Variants in PIKFYVE observed in about 807,000 individuals in gnomAD.
PIKFYVE encodes 1-phosphatidylinositol 3-phosphate 5-kinase.
PIKFYVE carries 122 observed loss-of-function variants against 257.9 expected under a neutral mutation model. The observed-to-expected ratio is 0.47, with a 90% CI of 0.41 to 0.55. PIKFYVE has a LOEUF of 0.55. PIKFYVE is among the 20% of genes least tolerant of loss of function. PIKFYVE has a pLI of 0.00. For synonymous variants in PIKFYVE, 892 were observed against 868.9 expected (o/e 1.03, Z -0.47); for missense variants, 2,160 against 2,536.6 (o/e 0.85, Z 3.19).
intron 40 of PIKFYVE, 65 bp from the exon 41 acceptor site, chr2:208,354,506 T>C: frequency 7.5e-7 from 1 of 1,337,188 alleles, no homozygotes; most frequent in Non-Finnish European, 1.1e-6. Context: ...TAGTCATTGC[T>C]GTTGTCATTT....
chr2:208,340,724 A>G (rs1331450459), intron 31 of PIKFYVE, among the ~76,000 whole-genome samples: 4 of 152,172 alleles, frequency 2.6e-5, no homozygotes, highest in Admixed American at 6.5e-5. Context: ...ACTGACTTAC[A>G]TATTTATTCA....
At chr2:208,334,877 G>C (rs574651815) in intron 24 of PIKFYVE, among the ~76,000 whole-genome samples, 1 of 152,068 alleles carries the variant, frequency 6.6e-6, no homozygotes, top group South Asian at 2.1e-4. Context: ...AGGGCCTTGC[G>C]GGGGAGTTGG....
chr2:208,323,105 T>TTTA (rs923550776), intron 17 of PIKFYVE, among the ~76,000 whole-genome samples: 1 of 150,454 alleles, frequency 6.6e-6, no homozygotes, highest in African/African-American at 2.5e-5. Flanking sequence ...TATTTTTTAT[T>TTTA]TTATTATTAT....
intron 5 of PIKFYVE, among the ~76,000 whole-genome samples, chr2:208,281,458 T>C (rs1264498332): frequency 6.6e-6 from 1 of 152,240 alleles, no homozygotes; most frequent in African/African-American, 2.4e-5. Context: ...CCTTGGTTTT[T>C]ATCTGTATAA....
chr2:208,314,337 G>A lies in PIKFYVE; in HGVS notation c.1740G>A (p.Leu580=). 2 of 1,613,874 alleles carry A rather than the reference G, an allele frequency of 1.2e-6. No homozygotes were observed. The highest frequency in any genetic ancestry group is 1.7e-6 in the Non-Finnish European group (2 of 1,179,824). Residue 580 remains leucine (L), a synonymous_variant, in exon 14 of 42, where the codon CTG becomes CTA. Transcript: ENST00000264380. Reference sequence around the variant, plus strand: ...GAGTAGAGGAAAAATCCAAAGAGCTGCCTTTCACACCTTTGGGCTGGCATC... The same window carrying A: ...GAGTAGAGGAAAAATCCAAAGAGCTACCTTTCACACCTTTGGGCTGGCATC... ...NRRVEEKSKE[L]PFTPLGWHHN... is the part of the protein sequence containing the mutation.
At chr2:208,292,588 T>C (rs1692456520) in intron 7 of PIKFYVE, among the ~76,000 whole-genome samples, 1 of 152,132 alleles carries the variant, frequency 6.6e-6, no homozygotes, top group South Asian at 2.1e-4. Flanking sequence ...CTGTTCTGCC[T>C]GAAAATTAAT....
rs781220528 is a variant in PIKFYVE, at chr2:208,355,231, A to C, written c.6223A>C (p.Arg2075=). ...GGTGTCTCCGGAGTTGTACAGGACTAGGTTTTGTGAGGCAATGGACAAGTA... is the reference window on the plus strand; with the variant it reads ...GGTGTCTCCGGAGTTGTACAGGACTCGGTTTTGTGAGGCAATGGACAAGTA... The part of the protein sequence containing the change: ...TVVSPELYRT[R]FCEAMDKYFL... Residue 2075 remains arginine (R), a synonymous_variant, in exon 42 of 42, where the codon AGG becomes CGG. Coordinates refer to ENST00000264380, the MANE Select transcript of PIKFYVE (RefSeq NM_015040.4). The C allele has an allele frequency of 3.7e-6, 6 of 1,613,850 alleles. No homozygotes were observed. In the African/African-American group the frequency reaches 8.0e-5, roughly 22 times the overall value.
At chr2:208,272,719 T>A (rs1559384438) in intron 2 of PIKFYVE, among the ~76,000 whole-genome samples, 1 of 152,116 alleles carries the variant, frequency 6.6e-6, no homozygotes, top group Non-Finnish European at 1.5e-5. Flanking sequence ...TTTAATAATA[T>A]TAACTGAATT....
At chr2:208,354,304 AG>A in intron 40 of PIKFYVE, 145 bp downstream of exon 40, 1 of 1,098,236 alleles carries the variant, frequency 9.1e-7, no homozygotes, top group African/African-American at 1.6e-5. Flanking sequence ...TTTTTATTCT[AG>A]TCTCTTCTAC....
chr2:208,315,193 T>A lies in PIKFYVE; in HGVS notation c.1827T>A (p.Leu609=), dbSNP rs1442280458. ...CTTCTTTCTTATAATATTTTTGTAG[T>A]TCAGCTAATCATAACCACATGATGG... ...NGEKQAMERL[L]SANHNHMMAL... is the part of the protein sequence containing the mutation. Residue 609 remains leucine, a splice_region_variant and synonymous_variant, in exon 15 of 42, where the codon CTT becomes CTA. Transcript: ENST00000264380. The A allele has an allele frequency of 2.5e-6, 4 of 1,612,726 alleles. No homozygotes were observed. Among genetic ancestry groups the A allele is most frequent in the Admixed American group, 1.7e-5 (1 of 60,000 alleles).
intron 20 of PIKFYVE, 100 bp downstream of exon 20, chr2:208,326,529 A>T: frequency 7.9e-7 from 1 of 1,266,036 alleles, no homozygotes; most frequent in Non-Finnish European, 1.1e-6. Flanking sequence ...CTGCATGCAG[A>T]TTTGTGAAAT....
At chr2:208,305,386 CT>C (rs1335663247) in intron 12 of PIKFYVE, 3 of 1,111,244 alleles carry the variant, frequency 2.7e-6, no homozygotes, top group Non-Finnish European at 3.3e-6. Flanking sequence ...GCCTATTTGC[CT>C]TTGCCGTTAC....
chr2:208,266,669 G>T (rs1288474306), intron 1 of PIKFYVE, among the ~76,000 whole-genome samples: 4 of 152,218 alleles, frequency 2.6e-5, no homozygotes, highest in African/African-American at 9.6e-5. Flanking sequence ...GATTTCCTTG[G>T]AAACATTTGA....
chr2:208,288,943 T>C lies in PIKFYVE; in HGVS notation c.911+125T>C, dbSNP rs1691935306. 4 of 1,232,022 alleles carry C rather than the reference T, an allele frequency of 3.2e-6. No homozygotes were observed. In the East Asian group the frequency reaches 9.8e-5, roughly 30 times the overall value. 76.3% of individuals were successfully genotyped at this position (1,232,022 alleles called of 1,614,324 possible). ...TACTTCCGTAGCTCTAAAAGCTGAA[T>C]TAAACTATCATTTTCTTTTTGCTAT... On this transcript the variant is annotated intron_variant, in intron 7 of 41. Transcript: ENST00000264380.
intron 32 of PIKFYVE, among the ~76,000 whole-genome samples, chr2:208,343,917 C>T (rs578242808): frequency 1.0e-4 from 15 of 149,492 alleles, no homozygotes; most frequent in African/African-American, 2.2e-4. Flanking sequence ...CTGCAAGCTC[C>T]GCCTCCGGGT....
chr2:208,354,207 C>A (rs1319021222), intron 40 of PIKFYVE, 48 bp downstream of exon 40: 8 of 1,584,290 alleles, frequency 5.0e-6, no homozygotes, highest in Non-Finnish European at 6.0e-6. Context: ...AAGTCAGAGT[C>A]AAATTTTAAA....
chr2:208,271,708 A>G lies in PIKFYVE; in HGVS notation c.172+17A>G. The G allele has an allele frequency of 2.5e-6, 4 of 1,605,872 alleles. No homozygotes were observed. The highest frequency in any genetic ancestry group is 2.6e-6 in the Non-Finnish European group (3 of 1,172,746). Reference sequence around the variant, plus strand: ...TTAACAAAGGTAAGACTTATTAAAGATAAGAGGTTTGATTCAGGTCTGATT... The same window carrying G: ...TTAACAAAGGTAAGACTTATTAAAGGTAAGAGGTTTGATTCAGGTCTGATT... On this transcript the variant is annotated intron_variant, in intron 2 of 41. Coordinates refer to ENST00000264380, the MANE Select transcript of PIKFYVE (RefSeq NM_015040.4).
chr2:208,294,201 A>G (rs1692677796), intron 7 of PIKFYVE, among the ~76,000 whole-genome samples: 1 of 152,168 alleles, frequency 6.6e-6, no homozygotes, highest in Non-Finnish European at 1.5e-5. Flanking sequence ...GTCTACTAAG[A>G]GTCCATCAAA....
At chr2:208,282,750 C>A (rs964051430) in intron 5 of PIKFYVE, among the ~76,000 whole-genome samples, 2 of 152,176 alleles carry the variant, frequency 1.3e-5, no homozygotes, top group African/African-American at 4.8e-5. Context: ...AGGTTAATCA[C>A]AAATGGGATA....
Sources: gnomAD v4.1 joint callset for allele counts (sites outside exome capture counted in the v4.1 genomes callset) on GRCh38, gnomAD v4.1.1 for gene constraint, MANE v1.5 for transcripts, NCBI Gene and HGNC (gene_info 2026-07-23, HGNC 2026-07-21) for gene names.